The following LRAT variants were observed in gnomAD, a reference collection of about 807,000 sequenced individuals.
LRAT encodes lecithin retinol acyltransferase (phosphatidylcholine--retinol O-acyltransferase).
In LRAT, 11 loss-of-function variants were observed where a neutral mutation model predicts 14.2. The ratio of observed to expected loss-of-function variants is 0.78; its 90% confidence interval spans 0.49 to 1.29. The LOEUF (loss-of-function observed/expected upper bound fraction) is 1.29. LRAT is among the 50% of genes most tolerant of loss of function. The pLI is 0.00. For missense variants in LRAT, 274 were observed against 292.4 expected, an observed-to-expected ratio of 0.94 and a Z score of 0.46; for synonymous variants, 144 against 124.8, an observed-to-expected ratio of 1.15 and a Z score of -1.03.
chr4:154,747,995 G>A (rs147545862), intron 2 of LRAT, among the ~76,000 whole-genome samples: 74 of 152,152 alleles, frequency 4.9e-4, no homozygotes, highest in African/African-American at 1.8e-3. Context: ...TACCATGTAA[G>A]CCACTGTAGA....
At chr4:154,746,888 T>A (rs959896273) in intron 2 of LRAT, among the ~76,000 whole-genome samples, 4 of 152,122 alleles carry the variant, frequency 2.6e-5, no homozygotes, top group African/African-American at 9.7e-5. Flanking sequence ...TCACTTTGAA[T>A]GGTCTAACAA....
rs1732823946 is a variant in LRAT at position 154,744,094 on chromosome 4, C to T, written c.-130C>T. 1 of 579,294 alleles carries T rather than the reference C, an allele frequency of 1.7e-6. No homozygotes were observed. Among genetic ancestry groups the T allele is most frequent in the South Asian group, 2.0e-5 (1 of 50,118 alleles). 35.9% of individuals were successfully genotyped at this position (579,294 alleles called of 1,614,324 possible). ...TGGTCTCACTGTCCCCGCCGTCAGC[C>T]ACCGGTTCCTTATCCGTCTCATTCC... On this transcript the variant is annotated 5_prime_UTR_variant, in exon 1 of 3. Coordinates refer to ENST00000336356, the MANE Select transcript of LRAT (RefSeq NM_004744.5).
rs991397920 is a variant in LRAT at position 154,750,808 on chromosome 4, A to G, written c.*1672A>G. 1 of 152,198 alleles carries G rather than the reference A, an allele frequency of 6.6e-6. No individual in the cohort carries two copies. The highest frequency in any genetic ancestry group is 6.5e-5 in the Admixed American group (1 of 15,288). 9.4% of individuals were successfully genotyped at this position (152,198 alleles called of 1,614,324 possible). ...GTGTTAGTGGTTTTTCACTTACTGT[A>G]TATTACCCTTGTAGGAATAGTTTAA... On this transcript the variant is annotated 3_prime_UTR_variant, in exon 3 of 3. Transcript: ENST00000336356.
At position 154,749,196 on chromosome 4, in the gene LRAT, CA is replaced by C; in HGVS notation, c.*61del. 1 of 1,517,638 alleles carries C rather than the reference CA, an allele frequency of 6.6e-7. No individual in the cohort carries two copies. Among genetic ancestry groups the C allele is most frequent in the Non-Finnish European group, 9.1e-7 (1 of 1,093,230 alleles). 94.0% of individuals were successfully genotyped at this position (1,517,638 alleles called of 1,614,324 possible). On this transcript the variant is annotated 3_prime_UTR_variant, in exon 3 of 3. Coordinates refer to ENST00000336356, the MANE Select transcript of LRAT (RefSeq NM_004744.5). ...TGTAAATATGTTTATATTTATAGAGCATCAATCAATATAAGCATTATTGAGA... is the reference window on the plus strand; with the variant it reads ...TGTAAATATGTTTATATTTATAGAGCTCAATCAATATAAGCATTATTGAGA...
At chr4:154,741,228 G>T (rs757270220), upstream of LRAT, among the ~76,000 whole-genome samples, 1 of 152,060 alleles carries the variant, frequency 6.6e-6, no homozygotes, top group Admixed American at 6.5e-5. Flanking sequence ...CCAGCCGAGA[G>T]AGGAGCTCAT....
chr4:154,746,925 C>G (rs1044937657), intron 2 of LRAT, among the ~76,000 whole-genome samples: 1 of 150,856 alleles, frequency 6.6e-6, no homozygotes, highest in African/African-American at 2.4e-5. Flanking sequence ...GTAGATTTCC[C>G]GGGGGAAAAA....
upstream of LRAT, among the ~76,000 whole-genome samples, chr4:154,742,619 TTGTC>T (rs371939291): frequency 1.2e-3 from 188 of 152,294 alleles, 2 homozygotes; most frequent in African/African-American, 4.4e-3. Context: ...ATTGTGGCCT[TTGTC>T]TGCAGAATTT....
intron 2 of LRAT, chr4:154,745,625 G>C (rs1262691991): frequency 6.6e-6 from 1 of 151,630 alleles, no homozygotes; most frequent in Non-Finnish European, 1.5e-5. Flanking sequence ...GAAAGGAAGA[G>C]GTCCAGAGTT....
At chr4:154,742,189 C>T, upstream of LRAT, among the ~76,000 whole-genome samples, 1 of 152,168 alleles carries the variant, frequency 6.6e-6, no homozygotes, top group East Asian at 1.9e-4. Context: ...AACTCGCCAC[C>T]TGGGCGCTTT....
At position 154,744,631 on chromosome 4, in the gene LRAT, T is replaced by C; in HGVS notation, c.305T>C (p.Ile102Thr). The C allele has an allele frequency of 1.2e-6, 2 of 1,614,152 alleles. No homozygotes were observed. The highest frequency in any genetic ancestry group is 1.7e-6 in the Non-Finnish European group (2 of 1,180,018). ...VSNKRLILGV[I>T]VKVASIRVDT... ...AACAAGCGTCTCATCCTGGGCGTTA[T>C]TGTCAAAGTGGCCAGCATCCGCGTG... Residue 102 changes from isoleucine (I) to threonine (T), a missense_variant, in exon 2 of 3, where the codon ATT (isoleucine) becomes ACT (threonine). Physicochemically the swap from Ile to Thr is moderately conservative, Grantham distance 89. Transcript: ENST00000336356.
Position 154,744,211 on chromosome 4 carries a change from C to G in LRAT, c.-13C>G. Reference sequence around the variant, plus strand: ...CGGCCGTACTTTGCGCCGTACCTCACCTGGCCTGCAGGTGAGCAGCAGCGC... The same window carrying G: ...CGGCCGTACTTTGCGCCGTACCTCAGCTGGCCTGCAGGTGAGCAGCAGCGC... On this transcript the variant is annotated 5_prime_UTR_variant, in exon 1 of 3. Coordinates refer to ENST00000336356, the MANE Select transcript of LRAT (RefSeq NM_004744.5). 9.0e-7 allele frequency: 1 copy of G among 1,111,862 alleles called. No individual in the cohort carries two copies. The highest frequency in any genetic ancestry group is 2.4e-5 in the East Asian group (1 of 41,756). 68.9% of individuals were successfully genotyped at this position (1,111,862 alleles called of 1,614,324 possible). A position where few individuals can be genotyped will look rare whatever the true frequency, so the allele number is the denominator to read the frequency against.
upstream of LRAT, among the ~76,000 whole-genome samples, chr4:154,743,009 A>G (rs1732796167): frequency 6.6e-6 from 1 of 151,784 alleles, no homozygotes. Flanking sequence ...GCCGTTTTTC[A>G]TGCCAACCGT....
intron 2 of LRAT, among the ~76,000 whole-genome samples, chr4:154,745,932 C>T (rs780499567): frequency 3.9e-5 from 6 of 152,058 alleles, no homozygotes; most frequent in Non-Finnish European, 8.8e-5. Context: ...TTTATGGGTT[C>T]CCCAGAGATC....
rs558725765 is a variant in LRAT at position 154,744,620 on chromosome 4, C to A, written c.294C>A (p.Ile98=). The A allele has an allele frequency of 1.2e-6, 2 of 1,614,064 alleles. No homozygotes were observed. Among genetic ancestry groups the A allele is most frequent in the South Asian group, 1.1e-5 (1 of 91,088 alleles). Residue 98 remains isoleucine, a synonymous_variant, in exon 2 of 3, where the codon ATC becomes ATA. Coordinates refer to ENST00000336356, the MANE Select transcript of LRAT (RefSeq NM_004744.5). ...AGGTGGTCTCCAACAAGCGTCTCAT[C>A]CTGGGCGTTATTGTCAAAGTGGCCA... is the stretch of plus-strand genomic sequence containing the variant. ...TQKVVSNKRL[I]LGVIVKVASI...
In LRAT at chr4:154,744,414, G is replaced by A. The variant is rs1223595259; in HGVS notation, c.88G>A (p.Ala30Thr). Residue 30 changes from alanine (A) to threonine (T), a missense_variant, in exon 2 of 3, where the codon GCG becomes ACG. Transcript: ENST00000336356. Reference sequence around the variant, plus strand: ...CTTCACGCTCTTTAGTTCGGGCGCCGCGGGCGAAGACAAAGGGAGGAACAG... The same window carrying A: ...CTTCACGCTCTTTAGTTCGGGCGCCACGGGCGAAGACAAAGGGAGGAACAG... ...SNFTLFSSGAAGEDKGRNSFY... is the reference protein window; with the variant it reads ...SNFTLFSSGATGEDKGRNSFY... 3.1e-6 allele frequency: 5 copies of A among 1,614,114 alleles called. No individual in the cohort carries two copies. Among genetic ancestry groups the A allele is most frequent in the Non-Finnish European group, 4.2e-6 (5 of 1,180,034 alleles).
At position 154,752,217 on chromosome 4, in the gene LRAT, A is replaced by C. The variant is rs779703148; in HGVS notation, c.*3081A>C. ...GTACCAACACTTGAAAGATGGGTGG[A>C]TATTTTCCAGGAAACAGATTTTGGG... On this transcript the variant is annotated 3_prime_UTR_variant, in exon 3 of 3. Transcript: ENST00000336356. 5 of 152,242 alleles carry C rather than the reference A, an allele frequency of 3.3e-5. No individual in the cohort carries two copies. The highest frequency in any genetic ancestry group is 6.5e-5 in the Admixed American group (1 of 15,292). The allele number at this position is 152,242 out of a possible 1,614,324, so 9.4% of individuals were successfully genotyped here. A position where few individuals can be genotyped will look rare whatever the true frequency, so the allele number is the denominator to read the frequency against.
chr4:154,741,616 T>C (rs1732769393), upstream of LRAT, among the ~76,000 whole-genome samples: 1 of 152,120 alleles, frequency 6.6e-6, no homozygotes, highest in Non-Finnish European at 1.5e-5. Flanking sequence ...TCCTTTCTTT[T>C]TGAAGTAAAG....
intron 2 of LRAT, among the ~76,000 whole-genome samples, chr4:154,747,591 A>G (rs1305111990): frequency 1.3e-5 from 2 of 152,136 alleles, no homozygotes; most frequent in Admixed American, 1.3e-4. Flanking sequence ...GCTTTTTGAG[A>G]AAAATCTGCT....
intron 2 of LRAT, 107 bp from the exon 3 acceptor site, chr4:154,748,877 C>T (rs566494906): frequency 2.3e-5 from 25 of 1,078,288 alleles, no homozygotes; most frequent in Non-Finnish European, 3.5e-5. Flanking sequence ...AAGTCTAGTT[C>T]TTCTGGTAGA....
Sources: gnomAD v4.1 joint callset for allele counts (sites outside exome capture counted in the v4.1 genomes callset) on GRCh38, gnomAD v4.1.1 for gene constraint, MANE v1.5 for transcripts, NCBI Gene and HGNC (gene_info 2026-07-23, HGNC 2026-07-21) for gene names.